KIDINS220: variants seen among roughly 807,000 people sequenced by gnomAD.
KIDINS220 encodes kinase D interacting substrate 220.
KIDINS220 carries 63 observed loss-of-function variants against 157.6 expected under a neutral mutation model. The observed-to-expected ratio is 0.40, with a 90% CI of 0.33 to 0.49. The LOEUF (loss-of-function observed/expected upper bound fraction) is 0.49. Among genes scored for constraint, KIDINS220 ranks in the 20% least tolerant of loss-of-function variants. KIDINS220 has a pLI of 0.66. For missense variants in KIDINS220, 1,772 were observed against 2,171.2 expected (o/e 0.82, Z 3.65); for synonymous variants, 732 against 783.6 (o/e 0.93, Z 1.10).
At chr2:8,827,650 C>G (rs574740730) in intron 1 of KIDINS220, among the ~76,000 whole-genome samples, 2 of 152,234 alleles carry the variant, frequency 1.3e-5, no homozygotes, top group Admixed American at 6.5e-5. Context: ...ACTGGCCTCC[C>G]TGCCTCCACT....
downstream of KIDINS220, chr2:8,722,174 A>G (rs1232201885): frequency 1.3e-5 from 2 of 151,798 alleles, no homozygotes; most frequent in African/African-American, 4.8e-5. Flanking sequence ...AACCATTAAG[A>G]AAAAAAAATG....
chr2:8,744,231 T>A (rs1666035972), intron 26 of KIDINS220, among the ~76,000 whole-genome samples: 1 of 144,182 alleles, frequency 6.9e-6, no homozygotes, highest in Non-Finnish European at 1.5e-5. Context: ...CTTGGATATA[T>A]CTATAATTTA....
rs1173088406 is a variant in KIDINS220, at chr2:8,733,631, C to T, written c.3866G>A (p.Arg1289His). 3.1e-6 allele frequency: 5 copies of T among 1,607,896 alleles called. No homozygotes were observed. Among genetic ancestry groups the T allele is most frequent in the African/African-American group, 1.3e-5 (1 of 74,952 alleles). ...AESHVVPEDP[R>H]FLSESSSGPA... ...GCCACTGCTGCTCTCACTGAGGAAA[C>T]GTGGGTCTTCAGGGACCACGTGGCT... is the stretch of plus-strand genomic sequence containing the variant. The change falls in exon 29 of 30, where the codon CGT (arginine) becomes CAT (histidine). Residue 1289 changes from arginine to histidine, a missense_variant. This residue lies in a region of KIDINS220 where 793 missense variants were observed against 885.5 expected (regional missense o/e 0.90). Coordinates refer to ENST00000256707, the MANE Select transcript of KIDINS220 (RefSeq NM_020738.4).
chr2:8,727,711 T>C (rs1362430205), downstream of KIDINS220, among the ~76,000 whole-genome samples: 1 of 152,216 alleles, frequency 6.6e-6, no homozygotes, highest in Non-Finnish European at 1.5e-5. Context: ...TCATTTAAAA[T>C]TACTTGGCTA....
chr2:8,789,155 C>T (rs530604042), intron 14 of KIDINS220, among the ~76,000 whole-genome samples: 9 of 147,156 alleles, frequency 6.1e-5, no homozygotes, highest in African/African-American at 2.0e-4. Context: ...ACTGAAGACA[C>T]CCCCAAGAAT....
At position 8,790,022 on chromosome 2, in the gene KIDINS220, A is replaced by T; in HGVS notation, c.1479T>A (p.Pro493=). Reference sequence around the variant, plus strand: ...CTATGAGCCATGAGAACTGAAAGAGAGGCTCAATCTGTTGTCCGGCGAAGG... The same window carrying T: ...CTATGAGCCATGAGAACTGAAAGAGTGGCTCAATCTGTTGTCCGGCGAAGG... The part of the protein sequence containing the change: ...MKTFAGQQIE[P]LFQFSWLIVF... Residue 493 remains proline (P), a synonymous_variant, in exon 14 of 30, where the codon CCT becomes CCA. Coordinates refer to ENST00000256707, the MANE Select transcript of KIDINS220 (RefSeq NM_020738.4). The T allele has an allele frequency of 1.9e-6, 3 of 1,604,946 alleles. No individual in the cohort carries two copies. The highest frequency in any genetic ancestry group is 2.5e-6 in the Non-Finnish European group (3 of 1,177,824).
intron 6 of KIDINS220, among the ~76,000 whole-genome samples, chr2:8,811,301 A>AT (rs1344683256): frequency 1.3e-5 from 2 of 152,080 alleles, no homozygotes; most frequent in Non-Finnish European, 2.9e-5. Flanking sequence ...ATGGGAAAAA[A>AT]AAAAAAAAAG....
chr2:8,722,259 C>T (rs1477877665), downstream of KIDINS220: 2 of 152,206 alleles, frequency 1.3e-5, no homozygotes, highest in South Asian at 2.1e-4. Context: ...AAATATGCAT[C>T]TTAGAACCGA....
intron 26 of KIDINS220, chr2:8,746,859 CCTGACAG>C: frequency 8.1e-6 from 3 of 371,738 alleles, no homozygotes; most frequent in Non-Finnish European, 9.8e-6. Context: ...ACGGAACACC[CCTGACAG>C]CTGATAGAAA....
At chr2:8,721,442 A>G (rs934164653), downstream of KIDINS220, 3 of 152,232 alleles carry the variant, frequency 2.0e-5, no homozygotes, top group Admixed American at 2.0e-4. Context: ...AATTAGTAGG[A>G]ACAAAGATGT....
intron 22 of KIDINS220, among the ~76,000 whole-genome samples, chr2:8,754,796 G>C (rs1387113501): frequency 6.6e-6 from 1 of 152,118 alleles, no homozygotes; most frequent in East Asian, 1.9e-4. Flanking sequence ...CAGATTCTTA[G>C]AGCAGAATTT....
Position 8,836,738 on chromosome 2 carries a change from G to A in KIDINS220, c.-37+742C>T, listed in dbSNP as rs144111657. 4.6e-3 allele frequency among the ~76,000 whole-genome samples: 694 copies of A among 152,216 alleles called. 5 individuals carry two copies. Among genetic ancestry groups the A allele is most frequent in the African/African-American group, 0.016 (662 of 41,522 alleles). On this transcript the variant is annotated intron_variant, in intron 1 of 29. Transcript: ENST00000256707. ...ATGTGGACAGGAACGAACCTGAAGG[G>A]GTGATTCCCGAGCCACACCTCAGGC...
Position 8,729,775 on chromosome 2 carries a change from T to C in KIDINS220, c.*945A>G. ...TAATTAAATATTTCCTTGTCATTTA[T>C]CAATTGTCACTGACCTTTTTGATGT... On this transcript the variant is annotated 3_prime_UTR_variant, in exon 30 of 30. Coordinates refer to ENST00000256707, the MANE Select transcript of KIDINS220 (RefSeq NM_020738.4). 2 of 982,690 alleles carry C rather than the reference T, an allele frequency of 2.0e-6. No homozygotes were observed. Among genetic ancestry groups the C allele is most frequent in the Non-Finnish European group, 2.4e-6 (2 of 827,360 alleles). 60.9% of individuals were successfully genotyped at this position (982,690 alleles called of 1,614,324 possible). A position where few individuals can be genotyped will look rare whatever the true frequency, so the allele number is the denominator to read the frequency against.
intron 26 of KIDINS220, 123 bp downstream of exon 26, chr2:8,747,022 C>T (rs925228197): frequency 1.3e-6 from 1 of 785,332 alleles, no homozygotes; most frequent in African/African-American, 1.7e-5. Flanking sequence ...CTACTCTACA[C>T]TAGCTGCTCA....
chr2:8,812,751 T>G (rs1313766967), intron 5 of KIDINS220, among the ~76,000 whole-genome samples: 2 of 152,146 alleles, frequency 1.3e-5, no homozygotes, highest in East Asian at 1.9e-4. Flanking sequence ...TAATAAATCT[T>G]AAGTAAACAT....
At position 8,750,199 on chromosome 2, in the gene KIDINS220, C is replaced by T. The variant is rs776942908; in HGVS notation, c.3327G>A (p.Gly1109=). The T allele has an allele frequency of 1.2e-5, 19 of 1,614,062 alleles. No homozygotes were observed. Among genetic ancestry groups the T allele is most frequent in the Admixed American group, 1.7e-5 (1 of 60,004 alleles). The change falls in exon 24 of 30, where the codon GGG becomes GGA. Residue 1109 remains glycine, a synonymous_variant. Transcript: ENST00000256707. ...GTGACACCACTCCACCTGCGAAGGG[C>T]CCATTGAAGGACGTGGAAGAGCACA... ...PSVCSSTSFN[G]PFAGGVVSPQ... is the part of the protein sequence containing the mutation.
intron 22 of KIDINS220, among the ~76,000 whole-genome samples, chr2:8,751,861 T>C (rs1205149212): frequency 3.9e-5 from 6 of 152,056 alleles, no homozygotes; most frequent in Non-Finnish European, 7.3e-5. Context: ...TGCACTACCA[T>C]GCCCAGCTAA....
chr2:8,801,770 G>C (rs12996538), intron 8 of KIDINS220, among the ~76,000 whole-genome samples: 40,926 of 151,942 alleles, frequency 0.27, 5,675 homozygotes, highest in Middle Eastern at 0.34. Context: ...GCCAGGCGTG[G>C]TGGCATGCAC....
chr2:8,766,401 A>C (rs1669501268), intron 22 of KIDINS220, among the ~76,000 whole-genome samples: 1 of 152,136 alleles, frequency 6.6e-6, no homozygotes. Context: ...CCCCTTACTT[A>C]ATGCAGAACC....
Sources: allele counts gnomAD v4.1 joint callset (sites outside exome capture counted in the v4.1 genomes callset), GRCh38; gene constraint gnomAD v4.1.1; regional missense constraint gnomAD v4.1.1; transcripts MANE v1.5; gene names NCBI Gene and HGNC (gene_info 2026-07-23, HGNC 2026-07-21).